Variants in ARHGAP15 observed in about 807,000 individuals in gnomAD.
ARHGAP15 encodes the protein Rho GTPase activating protein 15.
Under a neutral mutation model 63.7 loss-of-function variants are expected in ARHGAP15, and 51 were observed. The ratio of observed to expected loss-of-function variants is 0.80; its 90% CI spans 0.64 to 1.01. The LOEUF is 1.01. ARHGAP15 is among the 50% of genes least tolerant of loss of function. The probability of loss-of-function intolerance (pLI) is 0.00; values close to 1 mark genes in which losing one functional copy is unlikely to be tolerated. For missense variants in ARHGAP15, 560 were observed against 564.6 expected (o/e 0.99, Z 0.08); for synonymous variants, 191 against 193.8 (o/e 0.99, Z 0.12).
At chr2:143,626,496 G>T (rs777698609) in intron 12 of ARHGAP15, among the ~76,000 whole-genome samples, 3 of 152,078 alleles carry the variant, frequency 2.0e-5, no homozygotes, top group Non-Finnish European at 4.4e-5. Context: ...AAGAGTGAGT[G>T]GTAGCAAGGT....
chr2:143,202,562 G>A (rs1488781130), intron 3 of ARHGAP15, among the ~76,000 whole-genome samples: 1 of 151,776 alleles, frequency 6.6e-6, no homozygotes, highest in African/African-American at 2.4e-5. Context: ...AGATGAGAAG[G>A]CAAGAGGGAG....
intron 13 of ARHGAP15, chr2:143,741,191 A>T (rs1355444096): frequency 2.0e-5 from 3 of 152,262 alleles, no homozygotes; most frequent in African/African-American, 7.2e-5. Flanking sequence ...GAACAATGTT[A>T]TTAAGGACTA....
At chr2:143,474,967 A>T (rs543965272) in intron 8 of ARHGAP15, among the ~76,000 whole-genome samples, 62 of 152,340 alleles carry the variant, frequency 4.1e-4, no homozygotes, top group Admixed American at 7.8e-4. Context: ...GTTAATCCAA[A>T]AGGGTGGCTG....
intron 2 of ARHGAP15, among the ~76,000 whole-genome samples, chr2:143,161,574 G>A (rs554152483): frequency 1.6e-3 from 250 of 151,982 alleles, no homozygotes; most frequent in African/African-American, 5.9e-3. Context: ...GGGACCACAA[G>A]GTTGGTGGGA....
intron 6 of ARHGAP15, among the ~76,000 whole-genome samples, chr2:143,278,123 C>A (rs767685615): frequency 6.6e-5 from 10 of 152,108 alleles, no homozygotes; most frequent in Non-Finnish European, 1.3e-4. Context: ...TTGGTTAATT[C>A]AATAGCTCAG....
At chr2:143,457,981 TAAAG>T (rs1438789514) in intron 8 of ARHGAP15, among the ~76,000 whole-genome samples, 5 of 151,446 alleles carry the variant, frequency 3.3e-5, no homozygotes, top group African/African-American at 4.9e-5. Context: ...AATGATAAAA[TAAAG>T]AAAAATCAAT....
chr2:143,631,679 G>A (rs906195775), intron 12 of ARHGAP15, among the ~76,000 whole-genome samples: 1 of 152,020 alleles, frequency 6.6e-6, no homozygotes, highest in Non-Finnish European at 1.5e-5. Flanking sequence ...AGTTTCAAGA[G>A]TTCCCTATAT....
At chr2:143,532,832 C>T (rs1241266723) in intron 10 of ARHGAP15, among the ~76,000 whole-genome samples, 1 of 152,024 alleles carries the variant, frequency 6.6e-6, no homozygotes, top group Admixed American at 6.6e-5. Context: ...AAAGATATTG[C>T]ATAGATATAC....
At chr2:143,706,597 A>C (rs1397212103) in intron 13 of ARHGAP15, 1 of 152,184 alleles carries the variant, frequency 6.6e-6, no homozygotes, top group African/African-American at 2.4e-5. Context: ...GGTAAATGCA[A>C]ATCCTATCCA....
At chr2:143,407,469 T>C (rs184222121) in intron 6 of ARHGAP15, among the ~76,000 whole-genome samples, 37 of 151,992 alleles carry the variant, frequency 2.4e-4, no homozygotes, top group African/African-American at 8.4e-4. Context: ...GAAATATCAT[T>C]CACTGAATGA....
chr2:143,256,995 C>G (rs2105000738), intron 6 of ARHGAP15, among the ~76,000 whole-genome samples: 1 of 152,178 alleles, frequency 6.6e-6, no homozygotes, highest in East Asian at 1.9e-4. Flanking sequence ...ACTTGGGAAC[C>G]ACTGTCTTTT....
At chr2:143,580,471 T>A (rs1696853121) in intron 11 of ARHGAP15, among the ~76,000 whole-genome samples, 1 of 152,148 alleles carries the variant, frequency 6.6e-6, no homozygotes, top group Admixed American at 6.6e-5. Flanking sequence ...TCCACCTCGA[T>A]GACTTGCCGG....
intron 13 of ARHGAP15, among the ~76,000 whole-genome samples, chr2:143,712,122 C>A (rs944142041): frequency 5.9e-5 from 9 of 152,100 alleles, no homozygotes; most frequent in African/African-American, 2.2e-4. Context: ...GCTAGAGATC[C>A]CCAGCTAAGG....
intron 2 of ARHGAP15, among the ~76,000 whole-genome samples, chr2:143,184,675 C>T (rs1691369042): frequency 6.6e-6 from 1 of 151,438 alleles, no homozygotes; most frequent in African/African-American, 2.4e-5. Flanking sequence ...TAATACAGTC[C>T]TTTTCTTGCT....
intron 2 of ARHGAP15, among the ~76,000 whole-genome samples, chr2:143,196,476 G>T (rs1691891204): frequency 6.6e-6 from 1 of 151,914 alleles, no homozygotes; most frequent in South Asian, 2.1e-4. Flanking sequence ...TATTTATCAG[G>T]AAAACTCAGT....
Position 143,667,792 on chromosome 2 carries a change from C to T in ARHGAP15, c.1139-35627C>T, listed in dbSNP as rs901977914. Among the ~76,000 whole-genome samples, 11 of 151,862 alleles carry T rather than the reference C, an allele frequency of 7.2e-5. 1 individual carries two copies. The East Asian group carries it at 2.1e-3, about 29-fold the overall frequency. On this transcript the variant is annotated intron_variant, in intron 12 of 13. Coordinates refer to ENST00000295095, the MANE Select transcript of ARHGAP15 (RefSeq NM_018460.4). ...ATTGCTTGAGCTCAGGAGTTTGAAA[C>T]CAGCCTAGGCAACGTGGTGAAACTC... is the stretch of plus-strand genomic sequence containing the variant.
chr2:143,307,642 G>C (rs932849211), intron 6 of ARHGAP15, among the ~76,000 whole-genome samples: 8 of 151,924 alleles, frequency 5.3e-5, no homozygotes, highest in African/African-American at 1.7e-4. Context: ...TGTGAAAAGA[G>C]AGAGAAAAGA....
intron 10 of ARHGAP15, among the ~76,000 whole-genome samples, chr2:143,531,553 A>G (rs953991265): frequency 3.9e-5 from 6 of 152,194 alleles, no homozygotes; most frequent in African/African-American, 1.2e-4. Flanking sequence ...GCAAACTTCA[A>G]TCAAAGAATA....
intron 13 of ARHGAP15, among the ~76,000 whole-genome samples, chr2:143,766,351 C>T (rs1340463627): frequency 6.6e-6 from 1 of 152,194 alleles, no homozygotes; most frequent in Non-Finnish European, 1.5e-5. Flanking sequence ...GCTGTCTCCT[C>T]TGGTGCCATT....
Sources: gnomAD v4.1 joint callset for allele counts (sites outside exome capture counted in the v4.1 genomes callset) on GRCh38, gnomAD v4.1.1 for gene constraint, MANE v1.5 for transcripts, NCBI Gene and HGNC (gene_info 2026-07-23, HGNC 2026-07-21) for gene names.